The following CMTM7 variants were observed in gnomAD, a reference collection of about 807,000 sequenced individuals.
CMTM7 encodes CKLF-like MARVEL transmembrane domain-containing protein 7.
Under a neutral mutation model 19.3 loss-of-function variants are expected in CMTM7, and 7 were observed. The ratio of observed to expected loss-of-function variants is 0.36; its 90% CI spans 0.21 to 0.68. The LOEUF is 0.68. Among genes scored for constraint, CMTM7 ranks in the 30% least tolerant of loss-of-function variants. The pLI, the probability that CMTM7 is intolerant of heterozygous loss-of-function variation, is 0.60. For synonymous variants in CMTM7, 87 were observed against 99.3 expected, an observed-to-expected ratio of 0.88 and a Z score of 0.74; for missense variants, 193 against 232.6, an observed-to-expected ratio of 0.83 and a Z score of 1.11.
intron 1 of CMTM7, among the ~76,000 whole-genome samples, chr3:32,441,504 T>G (rs924786081): frequency 2.6e-5 from 4 of 152,200 alleles, no homozygotes; most frequent in Admixed American, 6.5e-5. Flanking sequence ...TCTATGGATA[T>G]CCAGCAGATG....
intron 1 of CMTM7, among the ~76,000 whole-genome samples, chr3:32,428,199 C>T (rs1053180990): frequency 1.3e-5 from 2 of 152,194 alleles, no homozygotes; most frequent in African/African-American, 4.8e-5. Context: ...GGCCCACCAG[C>T]TCTCTCCAAA....
rs1231826677 is a variant in CMTM7, at chr3:32,416,370, T to A, written c.159+24305T>A. Among the ~76,000 whole-genome samples, 96 of 83,858 alleles carry A rather than the reference T, an allele frequency of 1.1e-3. 2 individuals are homozygous for A. The highest frequency in any genetic ancestry group is 5.7e-3 in the Middle Eastern group (1 of 174). 55.0% of individuals were successfully genotyped at this position (83,858 alleles called of 152,430 possible). ...GCCACCATCCGGGCTAATTTTTTTT[T>A]TTTTTTTTTTTTTTTTTTTTTTTTT... On this transcript the variant is annotated intron_variant, in intron 1 of 4. Transcript: ENST00000334983.
At chr3:32,422,179 A>G (rs190018265) in intron 1 of CMTM7, among the ~76,000 whole-genome samples, 1 of 152,318 alleles carries the variant, frequency 6.6e-6, no homozygotes, top group Admixed American at 6.5e-5. Flanking sequence ...TCCGTGACAC[A>G]TGCTTACAAA....
intron 1 of CMTM7, among the ~76,000 whole-genome samples, chr3:32,441,364 T>C (rs1294812019): frequency 6.6e-6 from 1 of 152,224 alleles, no homozygotes; most frequent in Non-Finnish European, 1.5e-5. Context: ...GGTAACTTGT[T>C]ATCTGTCAGT....
At chr3:32,418,466 TA>T (rs1480484621) in intron 1 of CMTM7, among the ~76,000 whole-genome samples, 1 of 152,230 alleles carries the variant, frequency 6.6e-6, no homozygotes, top group Non-Finnish European at 1.5e-5. Flanking sequence ...GTATCTTATC[TA>T]AAAACTCTTT....
At chr3:32,407,532 G>A (rs1033063649) in intron 1 of CMTM7, among the ~76,000 whole-genome samples, 4 of 152,206 alleles carry the variant, frequency 2.6e-5, no homozygotes, top group Non-Finnish European at 5.9e-5. Flanking sequence ...CACAGAAAAA[G>A]TTTCCTGCAG....
intron 1 of CMTM7, among the ~76,000 whole-genome samples, chr3:32,421,216 C>G (rs1235549388): frequency 6.6e-6 from 1 of 152,230 alleles, no homozygotes; most frequent in East Asian, 1.9e-4. Context: ...ATTCATTTTC[C>G]TGAAGAACAA....
intron 1 of CMTM7, among the ~76,000 whole-genome samples, chr3:32,395,602 C>G (rs1477911301): frequency 6.6e-6 from 1 of 152,180 alleles, no homozygotes; most frequent in Non-Finnish European, 1.5e-5. Flanking sequence ...GATAACACTT[C>G]ACACCCACGG....
At chr3:32,395,924 C>G (rs7619241) in intron 1 of CMTM7, among the ~76,000 whole-genome samples, 16,481 of 152,076 alleles carry the variant, frequency 0.11, 2,277 homozygotes, top group African/African-American at 0.32. Context: ...AAACTAAGTG[C>G]TACATTCATA....
At chr3:32,398,250 C>T (rs1277812308) in intron 1 of CMTM7, among the ~76,000 whole-genome samples, 1 of 152,196 alleles carries the variant, frequency 6.6e-6, no homozygotes, top group East Asian at 1.9e-4. Context: ...CAGCTATTAA[C>T]AGGATAGACT....
At chr3:32,398,493 T>C (rs908591090) in intron 1 of CMTM7, among the ~76,000 whole-genome samples, 1 of 152,116 alleles carries the variant, frequency 6.6e-6, no homozygotes, top group African/African-American at 2.4e-5. Context: ...CCCTGCCTCT[T>C]TATACTCAAA....
chr3:32,407,367 A>AG lies in CMTM7; in HGVS notation c.159+15305dup, dbSNP rs147015704. Among the ~76,000 whole-genome samples, 869 of 152,296 alleles carry AG rather than the reference A, an allele frequency of 5.7e-3. 7 individuals carry two copies. The highest frequency in any genetic ancestry group is 0.017 in the African/African-American group (688 of 41,564). ...TTCAACTCTCATTTGAAACAAGGGAAGGGAAAAAAATGTTTACTGAACAGA... is the reference window on the plus strand; with the variant it reads ...TTCAACTCTCATTTGAAACAAGGGAAGGGGAAAAAAATGTTTACTGAACAGA... On this transcript the variant is annotated intron_variant, in intron 1 of 4. Transcript: ENST00000334983.
chr3:32,412,554 C>G (rs1463418435), intron 1 of CMTM7, among the ~76,000 whole-genome samples: 1 of 118,626 alleles, frequency 8.4e-6, no homozygotes, highest in African/African-American at 3.1e-5. Flanking sequence ...ATCATTAATT[C>G]CTCCAGCAGT....
At chr3:32,404,162 C>CTTTTTTTTTTTTTTTTTTTTTTTTTT (rs5847761) in intron 1 of CMTM7, among the ~76,000 whole-genome samples, 2 of 74,666 alleles carry the variant, frequency 2.7e-5, no homozygotes, top group Non-Finnish European at 6.0e-5. Context: ...CTTTTTTTTT[C>CTTTTTTTTTTTTTTTTTTTTTTTTTT]TTTTTTTTTT....
intron 1 of CMTM7, among the ~76,000 whole-genome samples, chr3:32,439,084 C>A (rs909670021): frequency 2.0e-5 from 3 of 152,162 alleles, no homozygotes; most frequent in Admixed American, 1.3e-4. Context: ...GGAAGTAAGA[C>A]TAACGTAGCA....
chr3:32,438,350 G>A (rs1696628463), intron 1 of CMTM7, among the ~76,000 whole-genome samples: 1 of 152,148 alleles, frequency 6.6e-6, no homozygotes, highest in Non-Finnish European at 1.5e-5. Flanking sequence ...CTTGTGTCAT[G>A]GGAGGGGGTT....
chr3:32,418,908 A>G (rs775569645), intron 1 of CMTM7, among the ~76,000 whole-genome samples: 9 of 152,220 alleles, frequency 5.9e-5, no homozygotes, highest in Admixed American at 2.6e-4. Flanking sequence ...TTCCAATATT[A>G]CAAAAATAAC....
intron 3 of CMTM7, chr3:32,451,711 G>A (rs1696835276): frequency 5.0e-6 from 1 of 198,434 alleles, no homozygotes. Context: ...CCTCTTCCTC[G>A]ACCATTTGAT....
intron 1 of CMTM7, among the ~76,000 whole-genome samples, chr3:32,394,961 G>A (rs937188220): frequency 2.2e-4 from 34 of 151,446 alleles, no homozygotes; most frequent in Admixed American, 2.0e-3. Flanking sequence ...CTCCCAAAGC[G>A]CTGGTATTAC....
Sources: allele counts gnomAD v4.1 joint callset (sites outside exome capture counted in the v4.1 genomes callset), GRCh38; gene constraint gnomAD v4.1.1; transcripts MANE v1.5; gene names NCBI Gene and HGNC (gene_info 2026-07-23, HGNC 2026-07-21).